THOC2: variants seen among roughly 807,000 people sequenced by gnomAD.
THOC2 encodes THO complex subunit 2.
THOC2 carries 10 observed loss-of-function variants against 128.4 expected under a neutral mutation model. The observed-to-expected ratio is 0.08, with a 90% CI of 0.05 to 0.13. The LOEUF is 0.13. THOC2 is among the 10% of genes least tolerant of loss of function. The pLI, the probability that THOC2 is intolerant of heterozygous loss-of-function variation, is 1.00. For synonymous variants in THOC2, 393 were observed against 396.9 expected (o/e 0.99, Z 0.12); for missense variants, 535 against 1,155.7 (o/e 0.46, Z 7.79).
chrX:123,695,596 T>C (rs2147899048), intron 7 of THOC2, among the ~76,000 whole-genome samples: 1 of 112,251 alleles, frequency 8.9e-6, no homozygotes, highest in South Asian at 3.7e-4. Context: ...GAAGATTTAC[T>C]GTATTAAAGT....
At chrX:123,603,556 T>C in intron 38 of THOC2, 1 of 893,036 alleles carries the variant, frequency 1.1e-6, no homozygotes. Flanking sequence ...AATAATGTTC[T>C]GAAAATCAGT....
At chrX:123,664,213 G>T (rs1309542078) in intron 12 of THOC2, among the ~76,000 whole-genome samples, 1 of 112,142 alleles carries the variant, frequency 8.9e-6, no homozygotes, top group Admixed American at 9.5e-5. Context: ...CACAAAGATG[G>T]ATTAAAGACT....
chrX:123,639,407 G>A (rs1486041815), intron 16 of THOC2, among the ~76,000 whole-genome samples: 1 of 111,656 alleles, frequency 9.0e-6, no homozygotes, highest in Admixed American at 9.6e-5. Context: ...CCATTTGCTT[G>A]TATCATCTAT....
chrX:123,711,601 T>A (rs1023426804), intron 2 of THOC2, among the ~76,000 whole-genome samples: 39 of 110,383 alleles, frequency 3.5e-4, no homozygotes, highest in Non-Finnish European at 6.8e-4. Context: ...CTGACCAACA[T>A]GGTGAAACCC....
chrX:123,622,822 C>T lies in THOC2; in HGVS notation c.3721G>A (p.Val1241Ile), dbSNP rs2047135295. The T allele has an allele frequency of 2.5e-6, 3 of 1,202,661 alleles. No individual in the cohort carries two copies. Among genetic ancestry groups the T allele is most frequent in the Admixed American group, 4.4e-5 (2 of 45,644 alleles). The change falls in exon 30 of 39, where the codon GTT (valine) becomes ATT (isoleucine). Residue 1241 changes from valine (V) to isoleucine (I), a missense_variant. This residue lies in a region of THOC2 where 116 missense variants were observed against 180.0 expected (regional missense o/e 0.64). Transcript: ENST00000245838. ...GGTGTGGTACTAGAAGCTTTATTAA[C>T]AGCTTTCACACCACACTGAGATCTC... Reference protein sequence around the residue: ...RERSQCGVKAVNKASSTTPKG... With the variant: ...RERSQCGVKAINKASSTTPKG...
chrX:123,719,129 G>A (rs1401686487), intron 1 of THOC2, among the ~76,000 whole-genome samples: 1 of 107,584 alleles, frequency 9.3e-6, no homozygotes, highest in African/African-American at 3.4e-5. Context: ...AGTGAACAGA[G>A]ATGGTGCCAC....
chrX:123,714,161 A>G (rs1245462826), intron 1 of THOC2, among the ~76,000 whole-genome samples: 1 of 112,547 alleles, frequency 8.9e-6, no homozygotes, highest in African/African-American at 3.2e-5. Flanking sequence ...AACAATTAAC[A>G]AAATGGCAAT....
chrX:123,630,555 G>A (rs1228068149), intron 22 of THOC2, among the ~76,000 whole-genome samples: 6 of 98,478 alleles, frequency 6.1e-5, no homozygotes, highest in Non-Finnish European at 1.2e-4. Context: ...GGAAGTTGCA[G>A]TGAGCTGAGA....
chrX:123,645,035 AC>A (rs2048067509), intron 13 of THOC2, 126 bp from the exon 14 acceptor site: 5 of 569,496 alleles, frequency 8.8e-6, no homozygotes, highest in Non-Finnish European at 1.3e-5. Context: ...CCCATTCCTC[AC>A]CCACCCTTTT....
intron 8 of THOC2, among the ~76,000 whole-genome samples, chrX:123,683,202 C>T (rs867703314): frequency 3.6e-5 from 4 of 111,549 alleles, no homozygotes. Context: ...TCATTCAGTG[C>T]TCAAAAAGTT....
At chrX:123,671,011 CAA>C (rs2049257535) in intron 9 of THOC2, among the ~76,000 whole-genome samples, 1 of 111,157 alleles carries the variant, frequency 9.0e-6, no homozygotes, top group Admixed American at 9.6e-5. Context: ...TATCCTAATA[CAA>C]AACCTAATAG....
At chrX:123,617,076 G>A (rs1319277727) in intron 33 of THOC2, among the ~76,000 whole-genome samples, 3 of 110,788 alleles carry the variant, frequency 2.7e-5, no homozygotes, top group Non-Finnish European at 5.7e-5. Flanking sequence ...CAACTTTGGA[G>A]ATCACTCAAA....
At chrX:123,723,456 T>C (rs1397156491) in intron 1 of THOC2, among the ~76,000 whole-genome samples, 1 of 111,669 alleles carries the variant, frequency 9.0e-6, no homozygotes, top group Admixed American at 9.6e-5. Flanking sequence ...CATGCTTGTA[T>C]ACACCAAAAC....
intron 15 of THOC2, among the ~76,000 whole-genome samples, chrX:123,643,506 T>C (rs1362351934): frequency 9.0e-6 from 1 of 111,265 alleles, no homozygotes; most frequent in African/African-American, 3.3e-5. Context: ...GCCTGGCACA[T>C]ACAGTAATAG....
intron 1 of THOC2, among the ~76,000 whole-genome samples, chrX:123,732,644 G>A (rs1254576932): frequency 9.0e-5 from 10 of 111,437 alleles, no homozygotes; most frequent in Non-Finnish European, 1.9e-4. Flanking sequence ...CGAAGAGGGG[G>A]ACACAAAAAG....
intron 18 of THOC2, 26 bp from the exon 19 acceptor site, chrX:123,636,201 A>T: frequency 9.1e-7 from 1 of 1,099,864 alleles, no homozygotes; most frequent in Non-Finnish European, 1.2e-6. Context: ...AAAGAGTAAA[A>T]ACAACTCATA....
intron 1 of THOC2, among the ~76,000 whole-genome samples, chrX:123,727,426 A>C (rs1375459265): frequency 9.0e-6 from 1 of 111,070 alleles, no homozygotes; most frequent in East Asian, 2.8e-4. Context: ...ACACCTGCCT[A>C]ATGGTTTTAG....
intron 7 of THOC2, among the ~76,000 whole-genome samples, chrX:123,687,531 T>A (rs756886314): frequency 8.9e-6 from 1 of 112,341 alleles, no homozygotes; most frequent in Admixed American, 9.5e-5. Context: ...TAGGGACATA[T>A]GTTACATCTA....
chrX:123,654,663 G>T (rs962029173), intron 12 of THOC2, among the ~76,000 whole-genome samples: 1 of 103,022 alleles, frequency 9.7e-6, no homozygotes, highest in African/African-American at 3.5e-5. Context: ...GGAGGCTGAG[G>T]CAGGAGAATC....
Sources: allele counts gnomAD v4.1 joint callset (sites outside exome capture counted in the v4.1 genomes callset), GRCh38; gene constraint gnomAD v4.1.1; regional missense constraint gnomAD v4.1.1; transcripts MANE v1.5; gene names NCBI Gene and HGNC (gene_info 2026-07-23, HGNC 2026-07-21).